FGD3: variants seen among roughly 807,000 people sequenced by gnomAD.
FGD3 encodes FYVE, RhoGEF and PH domain-containing protein 3.
Under a neutral mutation model 71.8 loss-of-function variants are expected in FGD3, and 45 were observed. That is an observed-to-expected ratio of 0.63 (90% CI 0.49 to 0.80). The LOEUF is 0.80. FGD3 is among the 30% of genes least tolerant of loss of function. The probability of loss-of-function intolerance (pLI) is 0.00; values close to 1 mark genes in which losing one functional copy is unlikely to be tolerated. For synonymous variants in FGD3, 378 were observed against 392.8 expected (o/e 0.96, Z 0.44); for missense variants, 844 against 951.5 (o/e 0.89, Z 1.49).
chr9:93,005,908 C>A, intron 5 of FGD3, 116 bp from the exon 6 acceptor site: 2 of 1,162,992 alleles, frequency 1.7e-6, no homozygotes, highest in Non-Finnish European at 1.2e-6. Flanking sequence ...CCAATTTGCT[C>A]ACCATCACAC....
intron 3 of FGD3, among the ~76,000 whole-genome samples, chr9:92,985,212 G>T (rs528411106): frequency 1.1e-4 from 16 of 152,358 alleles, no homozygotes; most frequent in Non-Finnish European, 2.2e-4. Context: ...TTACCTGGAG[G>T]AGTGTCCTTA....
intron 3 of FGD3, among the ~76,000 whole-genome samples, chr9:92,993,013 G>A (rs970821036): frequency 1.3e-5 from 2 of 152,138 alleles, no homozygotes; most frequent in South Asian, 2.1e-4. Context: ...ATCATCACAG[G>A]TGCATCTCTA....
rs527653487 is a variant in FGD3, at chr9:93,035,275, C to T, written c.1927-63C>T. 2,214 of 1,562,208 alleles carry T rather than the reference C, an allele frequency of 1.4e-3. 3 individuals carry two copies. Among genetic ancestry groups the T allele is most frequent in the Non-Finnish European group, 1.8e-3 (2,029 of 1,155,652 alleles). ...GTGGCCTCCTGGGAGAGGCCCCCAT[C>T]ACTGAGGTGAGCCCGAGGCCGGGAA... On this transcript the variant is annotated intron_variant, in intron 17 of 17. Coordinates refer to ENST00000375482, the MANE Select transcript of FGD3 (RefSeq NM_001083536.2).
Position 93,035,456 on chromosome 9 carries a change from A to C in FGD3, c.2045A>C (p.Tyr682Ser). ...CTGCAGTGGGCCAAGCAGTCCTGGT[A>C]CCTGAGCGCCTCCTCCGCAGAGCTG... Reference protein sequence around the residue: ...WKLQWAKQSWYLSASSAELQQ... With the variant: ...WKLQWAKQSWSLSASSAELQQ... The change falls in exon 18 of 18, where the codon TAC becomes TCC. Residue 682 changes from tyrosine to serine, a missense_variant. By Grantham distance (144) the Tyr-to-Ser change is moderately radical. Transcript: ENST00000375482. 6.2e-7 allele frequency: 1 copy of C among 1,613,350 alleles called. No individual in the cohort carries two copies. The highest frequency in any genetic ancestry group is 8.5e-7 in the Non-Finnish European group (1 of 1,179,850).
intron 3 of FGD3, among the ~76,000 whole-genome samples, chr9:92,988,057 G>A (rs370607661): frequency 5.3e-5 from 8 of 152,112 alleles, no homozygotes; most frequent in South Asian, 4.1e-4. Flanking sequence ...CTAAAATCCG[G>A]GTTCTTGTCT....
At chr9:92,963,574 T>C (rs907454768) in intron 1 of FGD3, among the ~76,000 whole-genome samples, 49 of 152,140 alleles carry the variant, frequency 3.2e-4, no homozygotes, top group African/African-American at 1.1e-3. Context: ...TGCTGGGATT[T>C]CAGGCATGAG....
chr9:92,958,305 A>T (rs1859102693), intron 1 of FGD3, among the ~76,000 whole-genome samples: 1 of 152,070 alleles, frequency 6.6e-6, no homozygotes, highest in South Asian at 2.1e-4. Flanking sequence ...GGCCTTAAAG[A>T]CTTAATTTTT....
At chr9:92,960,755 A>T (rs1259656437) in intron 1 of FGD3, among the ~76,000 whole-genome samples, 1 of 152,126 alleles carries the variant, frequency 6.6e-6, no homozygotes, top group Non-Finnish European at 1.5e-5. Context: ...TCCACCAGGG[A>T]AGAGCCCCTA....
intron 1 of FGD3, among the ~76,000 whole-genome samples, chr9:92,948,430 T>G (rs1250125170): frequency 6.6e-6 from 1 of 152,254 alleles, no homozygotes; most frequent in Non-Finnish European, 1.5e-5. Flanking sequence ...CTTTTTGTAG[T>G]TCGTGCCTCT....
intron 3 of FGD3, among the ~76,000 whole-genome samples, chr9:92,979,509 T>C (rs1010351799): frequency 6.6e-6 from 1 of 152,190 alleles, no homozygotes; most frequent in African/African-American, 2.4e-5. Context: ...CATTTCCTAG[T>C]ATTTTGTTGA....
chr9:92,984,271 A>T (rs564479270), intron 3 of FGD3, among the ~76,000 whole-genome samples: 4 of 152,308 alleles, frequency 2.6e-5, no homozygotes, highest in African/African-American at 9.6e-5. Flanking sequence ...TTAAACAACC[A>T]GTTATTTTAC....
intron 3 of FGD3, among the ~76,000 whole-genome samples, chr9:92,989,040 G>GT (rs980465433): frequency 6.6e-5 from 10 of 151,984 alleles, no homozygotes; most frequent in African/African-American, 1.9e-4. Context: ...TTTCATCAGT[G>GT]TTTTTTTGTT....
At chr9:92,975,145 C>T (rs1323578997) in intron 1 of FGD3, 93 bp from the exon 2 acceptor site, 1 of 152,356 alleles carries the variant, frequency 6.6e-6, no homozygotes, top group Non-Finnish European at 1.5e-5. Context: ...CATGGAGCTT[C>T]CCTCCTCCGC....
At position 93,034,660 on chromosome 9, in the gene FGD3, GCA is replaced by G; in HGVS notation, c.1907_1908del (p.His636ProfsTer27). 1 of 1,613,118 alleles carries G rather than the reference GCA, an allele frequency of 6.2e-7. No homozygotes were observed. Among genetic ancestry groups the G allele is most frequent in the Non-Finnish European group, 8.5e-7 (1 of 1,179,710 alleles). On this transcript the variant is annotated frameshift_variant, in exon 17 of 18. Coordinates refer to ENST00000375482, the MANE Select transcript of FGD3 (RefSeq NM_001083536.2). LOFTEE classifies it low-confidence loss of function (END_TRUNC). Reference sequence around the variant, plus strand: ...TCCCCATGTCAGATCCCCAGGTGCTGCACCTGCAGGGAGGCAGCCAGGTACGT... The same window carrying G: ...TCCCCATGTCAGATCCCCAGGTGCTGCCTGCAGGGAGGCAGCCAGGTACGT... The part of the protein sequence containing the change: ...AIPMSDPQVL[H>X]LQGGSQDGRL...
At chr9:93,034,808 T>G in intron 17 of FGD3, 127 bp downstream of exon 17, 1 of 1,108,326 alleles carries the variant, frequency 9.0e-7, no homozygotes, top group Non-Finnish European at 1.2e-6. Context: ...GGGGCCTCAG[T>G]TTCCCCGGCA....
chr9:92,977,436 G>A (rs986460619), intron 3 of FGD3, among the ~76,000 whole-genome samples: 3 of 152,152 alleles, frequency 2.0e-5, no homozygotes, highest in Admixed American at 2.0e-4. Flanking sequence ...CCAGGTCCTG[G>A]GAGCGCTTTG....
chr9:92,981,387 A>T (rs1195718329), intron 3 of FGD3, among the ~76,000 whole-genome samples: 1 of 151,522 alleles, frequency 6.6e-6, no homozygotes, highest in Non-Finnish European at 1.5e-5. Context: ...AAAAAAAAGA[A>T]AAAAAAGAAA....
At chr9:93,024,446 A>G (rs1439293065) in intron 14 of FGD3, among the ~76,000 whole-genome samples, 1 of 152,236 alleles carries the variant, frequency 6.6e-6, no homozygotes, top group African/African-American at 2.4e-5. Flanking sequence ...CACATAAGGT[A>G]TGAACTTGGC....
intron 1 of FGD3, among the ~76,000 whole-genome samples, chr9:92,974,281 T>C (rs1023759001): frequency 3.9e-5 from 6 of 152,220 alleles, no homozygotes; most frequent in African/African-American, 1.4e-4. Flanking sequence ...CTGCCATGTT[T>C]GACCTCTGGA....
Sources: allele counts gnomAD v4.1 joint callset (sites outside exome capture counted in the v4.1 genomes callset), GRCh38; gene constraint gnomAD v4.1.1; transcripts MANE v1.5; gene names NCBI Gene and HGNC (gene_info 2026-07-23, HGNC 2026-07-21).